PRPSAP1: variants seen among roughly 807,000 people sequenced by gnomAD.
PRPSAP1 encodes the protein phosphoribosyl pyrophosphate synthase-associated protein 1.
PRPSAP1 carries 31 observed loss-of-function variants against 39.4 expected under a neutral mutation model. That is an observed-to-expected ratio of 0.79 (90% CI 0.59 to 1.06). The LOEUF (loss-of-function observed/expected upper bound fraction) is 1.06, where lower values mean the gene tolerates loss of function less well. Ranked by LOEUF, PRPSAP1 falls within the 50% of genes least tolerant of loss-of-function variation. The pLI, the probability that PRPSAP1 is intolerant of heterozygous loss-of-function variation, is 0.00. For missense variants in PRPSAP1, 430 were observed against 511.6 expected (o/e 0.84, Z 1.54); for synonymous variants, 212 against 192.6 (o/e 1.10, Z -0.83).
Position 76,353,753 on chromosome 17 carries a change from T to C in PRPSAP1, c.-50A>G. The C allele has an allele frequency of 7.1e-7, 1 of 1,401,988 alleles. No homozygotes were observed. The highest frequency in any genetic ancestry group is 1.6e-5 in the South Asian group (1 of 63,678). The allele number at this position is 1,401,988 out of a possible 1,614,324, so 86.8% of individuals were successfully genotyped here. ...ACCGGCCCCGCGCGGGGCTGCACTC[T>C]GAGTGCTTCCGACTGCGAGACCCCG... is the stretch of plus-strand genomic sequence containing the variant. On this transcript the variant is annotated 5_prime_UTR_variant, in exon 1 of 10. Transcript: ENST00000446526.
At chr17:76,318,589 T>C (rs144832970) in intron 7 of PRPSAP1, among the ~76,000 whole-genome samples, 21 of 152,342 alleles carry the variant, frequency 1.4e-4, no homozygotes, top group East Asian at 1.3e-3. Context: ...CTGGCACACA[T>C]TGGATAACTG....
chr17:76,330,469 C>T, intron 5 of PRPSAP1, 82 bp downstream of exon 5: 1 of 1,054,354 alleles, frequency 9.5e-7, no homozygotes, highest in South Asian at 1.5e-5. Context: ...GATGTGCCTT[C>T]CAGTAACGAA....
At chr17:76,314,228 G>GTATGTATGTATGTATGTATGTATGT (rs149061354) in intron 7 of PRPSAP1, 28 of 275,230 alleles carry the variant, frequency 1.0e-4, no homozygotes, top group African/African-American at 6.3e-4. Flanking sequence ...ATGTATGTAT[G>GTATGTATGTATGTATGTATGTATGT]TATTTTTTGA....
chr17:76,327,592 G>A (rs141289720), intron 7 of PRPSAP1, among the ~76,000 whole-genome samples: 1,803 of 152,166 alleles, frequency 0.012, 28 homozygotes, highest in African/African-American at 0.041. Flanking sequence ...GGAAGAGGTT[G>A]CAGTGAGCCA....
chr17:76,323,028 G>A (rs865782249), intron 7 of PRPSAP1, among the ~76,000 whole-genome samples: 1 of 151,504 alleles, frequency 6.6e-6, no homozygotes, highest in Non-Finnish European at 1.5e-5. Context: ...CAGAGACCCC[G>A]CCTCTAAAAT....
intron 3 of PRPSAP1, among the ~76,000 whole-genome samples, chr17:76,335,412 A>C (rs1373470337): frequency 6.6e-6 from 1 of 151,806 alleles, no homozygotes; most frequent in Admixed American, 6.6e-5. Context: ...CTGGAGTGTA[A>C]TGGTGCGATC....
At chr17:76,352,917 G>A (rs2071594122) in intron 1 of PRPSAP1, 1 of 152,248 alleles carries the variant, frequency 6.6e-6, no homozygotes, top group African/African-American at 2.4e-5. Context: ...CTTAAGACCA[G>A]GGGCTTGGTT....
At chr17:76,347,090 C>G (rs1313131743) in intron 2 of PRPSAP1, among the ~76,000 whole-genome samples, 1 of 151,932 alleles carries the variant, frequency 6.6e-6, no homozygotes, top group East Asian at 1.9e-4. Context: ...AAGGGCCTCA[C>G]TGCAATCCAG....
rs200340025 is a variant in PRPSAP1, at chr17:76,320,285, A to G, written c.782-6394T>C. On this transcript the variant is annotated intron_variant, in intron 7 of 9. Transcript: ENST00000446526. Reference sequence around the variant, plus strand: ...GAAAGAAAAGAAAGAAAGAAAGAAAAGAAAGAAAGAAAGAAAAGAAAGGAA... The same window carrying G: ...GAAAGAAAAGAAAGAAAGAAAGAAAGGAAAGAAAGAAAGAAAAGAAAGGAA... Among the ~76,000 whole-genome samples the G allele has an allele frequency of 7.2e-5, 4 of 55,308 alleles. No homozygotes were observed. In the African/African-American group the frequency reaches 9.2e-4, roughly 13 times the overall value. 36.3% of individuals were successfully genotyped at this position (55,308 alleles called of 152,430 possible).
intron 2 of PRPSAP1, among the ~76,000 whole-genome samples, chr17:76,347,637 C>T (rs549306774): frequency 3.4e-4 from 52 of 151,830 alleles, no homozygotes; most frequent in Admixed American, 1.2e-3. Context: ...CTAGCAGTGA[C>T]AGGAAAGCCA....
At chr17:76,341,511 G>A (rs911482464) in intron 3 of PRPSAP1, among the ~76,000 whole-genome samples, 2 of 151,944 alleles carry the variant, frequency 1.3e-5, no homozygotes, top group African/African-American at 4.8e-5. Flanking sequence ...CAAAGTCCTG[G>A]GATTACAGGT....
rs1229060696 is a variant in PRPSAP1, at chr17:76,312,908, C to A, written c.961G>T (p.Glu321Ter). The A allele has an allele frequency of 6.2e-7, 1 of 1,614,042 alleles. No individual in the cohort carries two copies. Among genetic ancestry groups the A allele is most frequent in the Non-Finnish European group, 8.5e-7 (1 of 1,180,024 alleles). The change falls in exon 9 of 10, where the codon GAG (glutamate) becomes TAG (stop). Residue 321 changes from glutamate to a stop codon, truncating the protein, a stop_gained. Coordinates refer to ENST00000446526, the MANE Select transcript of PRPSAP1 (RefSeq NM_002766.3). LOFTEE classifies it high-confidence loss of function. ...VMATHGILSA[E>*]APRLIEESSV... The stretch of plus-strand genomic sequence containing the variant: ...GACTCCTCAATCAGGCGAGGGGCCT[C>A]TGCAGACAGGATGCCGTGGGTGGCC...
At position 76,309,914 on chromosome 17, in the gene PRPSAP1, G is replaced by A. The variant is rs1293147909; in HGVS notation, c.*1628C>T. On this transcript the variant is annotated 3_prime_UTR_variant, in exon 10 of 10. Transcript: ENST00000446526. ...CTGTTTATTTAATTGAAGGATTTTCGATCATCATTATATTCCAATAACTTG... is the reference window on the plus strand; with the variant it reads ...CTGTTTATTTAATTGAAGGATTTTCAATCATCATTATATTCCAATAACTTG... 2 of 151,788 alleles carry A rather than the reference G, an allele frequency of 1.3e-5. No homozygotes were observed. Among genetic ancestry groups the A allele is most frequent in the Admixed American group, 6.6e-5 (1 of 15,234 alleles). The allele number at this position is 151,788 out of a possible 1,614,324, so 9.4% of individuals were successfully genotyped here.
intron 1 of PRPSAP1, chr17:76,353,236 C>T: frequency 2.7e-6 from 1 of 365,156 alleles, no homozygotes; most frequent in Non-Finnish European, 5.0e-6. Context: ...TCCGGGGCTC[C>T]AGAAAGCTCG....
In PRPSAP1 at chr17:76,353,795, C is replaced by G. The variant is rs770541411; in HGVS notation, c.-92G>C. The G allele has an allele frequency of 5.4e-4, 744 of 1,388,978 alleles. 1 individual carries two copies. Among genetic ancestry groups the G allele is most frequent in the Admixed American group, 1.1e-3 (32 of 28,912 alleles). The allele number at this position is 1,388,978 out of a possible 1,614,324, so 86.0% of individuals were successfully genotyped here. A position where few individuals can be genotyped will look rare whatever the true frequency, so the allele number is the denominator to read the frequency against. On this transcript the variant is annotated 5_prime_UTR_variant, in exon 1 of 10. Coordinates refer to ENST00000446526, the MANE Select transcript of PRPSAP1 (RefSeq NM_002766.3). The stretch of plus-strand genomic sequence containing the variant: ...GAGACCCCGGTTTGGGTGGGGAAGG[C>G]GCTGAGAAACTCGGCGCAAGCGGGG...
intron 3 of PRPSAP1, among the ~76,000 whole-genome samples, chr17:76,338,970 T>C (rs1406932038): frequency 1.3e-5 from 2 of 151,238 alleles, no homozygotes; most frequent in Admixed American, 6.6e-5. Context: ...AAAGTGGAGG[T>C]TGCAGTGAGC....
At chr17:76,318,932 C>T (rs1038759710) in intron 7 of PRPSAP1, among the ~76,000 whole-genome samples, 6 of 152,014 alleles carry the variant, frequency 3.9e-5, no homozygotes, top group East Asian at 1.9e-4. Context: ...TTTTATTTCT[C>T]GGTCTTTTTT....
chr17:76,313,104 C>T, intron 8 of PRPSAP1, 88 bp from the exon 9 acceptor site: 1 of 1,434,924 alleles, frequency 7.0e-7, no homozygotes. Context: ...CTCTTCTGCA[C>T]TCAGTTTCAG....
chr17:76,311,166 C>G lies in PRPSAP1; in HGVS notation c.*376G>C, dbSNP rs1200154634. 6.3e-6 allele frequency: 1 copy of G among 158,720 alleles called. No homozygotes were observed. Among genetic ancestry groups the G allele is most frequent in the Non-Finnish European group, 1.4e-5 (1 of 72,780 alleles). The allele number at this position is 158,720 out of a possible 1,614,324, so 9.8% of individuals were successfully genotyped here. ...GGCCACAGGCGCTCAGCTTCCCTAA[C>G]CAGGTTCAACATCAATACCTCCATT... On this transcript the variant is annotated 3_prime_UTR_variant, in exon 10 of 10. Coordinates refer to ENST00000446526, the MANE Select transcript of PRPSAP1 (RefSeq NM_002766.3).
Sources: gnomAD v4.1 joint callset for allele counts (sites outside exome capture counted in the v4.1 genomes callset) on GRCh38, gnomAD v4.1.1 for gene constraint, MANE v1.5 for transcripts, NCBI Gene and HGNC (gene_info 2026-07-23, HGNC 2026-07-21) for gene names.